TMCO1: variants seen among roughly 807,000 people sequenced by gnomAD.
The protein encoded by TMCO1 is transmembrane and coiled-coil domains 1.
Under a neutral mutation model 29.3 loss-of-function variants are expected in TMCO1, and 29 were observed. The observed-to-expected ratio is 0.99, with a 90% CI of 0.74 to 1.35. TMCO1 has a LOEUF of 1.35. Among genes scored for constraint, TMCO1 ranks in the 40% most tolerant of loss-of-function variants. The pLI is 0.00. For synonymous variants in TMCO1, 80 were observed against 77.1 expected, an observed-to-expected ratio of 1.04 and a Z score of -0.20; for missense variants, 173 against 225.5, an observed-to-expected ratio of 0.77 and a Z score of 1.49.
At chr1:165,731,654 T>A (rs923282218) in intron 6 of TMCO1, among the ~76,000 whole-genome samples, 1 of 152,250 alleles carries the variant, frequency 6.6e-6, no homozygotes, top group African/African-American at 2.4e-5. Context: ...GGTAGTCTGT[T>A]GAATTTCATT....
chr1:165,763,443 T>C (rs942183974), intron 2 of TMCO1, among the ~76,000 whole-genome samples: 2 of 152,114 alleles, frequency 1.3e-5, no homozygotes, highest in Admixed American at 1.3e-4. Flanking sequence ...TAAATAAAAA[T>C]AATACACGTT....
chr1:165,733,160 A>G (rs1467059175), intron 6 of TMCO1, among the ~76,000 whole-genome samples: 4 of 152,216 alleles, frequency 2.6e-5, no homozygotes, highest in African/African-American at 4.8e-5. Flanking sequence ...CTGTAATTCA[A>G]TAAATACTCA....
In TMCO1 at chr1:165,743,153, A is replaced by G. The variant is rs1207214228; in HGVS notation, c.468+14T>C. 2.5e-6 allele frequency: 4 copies of G among 1,613,920 alleles called. No homozygotes were observed. On this transcript the variant is annotated intron_variant, in intron 6 of 6. Transcript: ENST00000367881. ...GAAAAATATACATATTAAATGGTAG[A>G]TGTGATCACTCACCTGTCGAATCGA...
intron 2 of TMCO1, among the ~76,000 whole-genome samples, chr1:165,761,239 A>C (rs1405723602): frequency 6.6e-6 from 1 of 152,140 alleles, no homozygotes; most frequent in East Asian, 1.9e-4. Flanking sequence ...AGGTAAATAG[A>C]AAGGTAAGAT....
At position 165,743,176 on chromosome 1, in the gene TMCO1, C is replaced by G; in HGVS notation, c.459G>C (p.Ser153=). The change falls in exon 6 of 7, where the codon TCG becomes TCC. Residue 153 remains serine, a synonymous_variant. Transcript: ENST00000367881. ...FIFLYILCTM[S]IRQNIQKILG... is the part of the protein sequence containing the mutation. ...AGATGTGATCACTCACCTGTCGAAT[C>G]GACATAGTACAGAGAATATACAGGA... The G allele has an allele frequency of 6.2e-7, 1 of 1,613,936 alleles. No homozygotes were observed. Among genetic ancestry groups the G allele is most frequent in the East Asian group, 2.2e-5 (1 of 44,858 alleles).
intron 6 of TMCO1, among the ~76,000 whole-genome samples, chr1:165,728,705 C>T (rs1412717457): frequency 9.9e-5 from 15 of 152,090 alleles, no homozygotes; most frequent in Admixed American, 9.2e-4. Flanking sequence ...ATTTTTTTAA[C>T]AAGAAGCATA....
chr1:165,741,245 T>C (rs1320217722), intron 6 of TMCO1, among the ~76,000 whole-genome samples: 1 of 152,214 alleles, frequency 6.6e-6, no homozygotes, highest in African/African-American at 2.4e-5. Context: ...TCAGCTGGTT[T>C]CCCCTTCTAT....
intron 5 of TMCO1, among the ~76,000 whole-genome samples, chr1:165,751,654 A>C (rs1558037929): frequency 6.6e-6 from 1 of 151,892 alleles, no homozygotes; most frequent in Non-Finnish European, 1.5e-5. Context: ...GCAGTGAGCC[A>C]AGATTGCGCC....
chr1:165,738,854 G>A (rs2101794761), intron 6 of TMCO1, among the ~76,000 whole-genome samples: 1 of 152,312 alleles, frequency 6.6e-6, no homozygotes, highest in East Asian at 1.9e-4. Flanking sequence ...GGATCTTGGG[G>A]AAGACAACTA....
At chr1:165,725,844 G>A (rs1162295883), downstream of TMCO1, 2 of 491,316 alleles carry the variant, frequency 4.1e-6, no homozygotes, top group Non-Finnish European at 4.0e-6. Flanking sequence ...AGAATAGAGT[G>A]AATATACATA....
chr1:165,740,239 T>C (rs1171415700), intron 6 of TMCO1, among the ~76,000 whole-genome samples: 4 of 152,076 alleles, frequency 2.6e-5, no homozygotes, highest in African/African-American at 9.7e-5. Context: ...TCTTGCTCTG[T>C]TGCCCAGGCT....
Position 165,768,188 on chromosome 1 carries a change from T to C in TMCO1, c.148+4A>G. Reference sequence around the variant, plus strand: ...AATTATTTCTAATGTGTTGCCATACTCACATTTTTTACTCTGTTTTTCCAC... The same window carrying C: ...AATTATTTCTAATGTGTTGCCATACCCACATTTTTTACTCTGTTTTTCCAC... On this transcript the variant is annotated splice_donor_region_variant and intron_variant, in intron 2 of 6. Coordinates refer to ENST00000367881, the MANE Select transcript of TMCO1 (RefSeq NM_019026.6). 1 of 1,609,718 alleles carries C rather than the reference T, an allele frequency of 6.2e-7. No individual in the cohort carries two copies.
intron 2 of TMCO1, among the ~76,000 whole-genome samples, chr1:165,762,010 A>AATGTTTTGTTCT (rs781395129): frequency 4.6e-3 from 103 of 22,542 alleles, no homozygotes; most frequent in Non-Finnish European, 5.0e-3. Context: ...TAACATTTTT[A>AATGTTTTGTTCT]TTAAAATGTT....
chr1:165,750,553 GA>G (rs60005937), intron 5 of TMCO1, among the ~76,000 whole-genome samples: 7,696 of 101,850 alleles, frequency 0.076, 714 homozygotes, highest in African/African-American at 0.23. Context: ...AAAAAAAAAA[GA>G]AAAAAAAAAA....
chr1:165,747,670 G>A (rs1651849937), intron 5 of TMCO1, among the ~76,000 whole-genome samples: 1 of 152,214 alleles, frequency 6.6e-6, no homozygotes, highest in Non-Finnish European at 1.5e-5. Flanking sequence ...ATGAGAGCCA[G>A]GGTAAGGAGT....
At chr1:165,729,031 A>G (rs1339948211) in intron 6 of TMCO1, among the ~76,000 whole-genome samples, 2 of 146,716 alleles carry the variant, frequency 1.4e-5, no homozygotes, top group African/African-American at 5.0e-5. Context: ...CCTTGAACCT[A>G]GGAGGCAGAG....
chr1:165,745,558 G>C (rs1651769060), intron 5 of TMCO1, among the ~76,000 whole-genome samples: 1 of 151,418 alleles, frequency 6.6e-6, no homozygotes, highest in South Asian at 2.1e-4. Flanking sequence ...AAGGTAGGGG[G>C]ATCACTTGAG....
At position 165,727,971 on chromosome 1, in the gene TMCO1, T is replaced by C; in HGVS notation, c.*52A>G. 7.1e-7 allele frequency: 1 copy of C among 1,399,902 alleles called. No homozygotes were observed. Among genetic ancestry groups the C allele is most frequent in the Non-Finnish European group, 1.0e-6 (1 of 998,484 alleles). 86.7% of individuals were successfully genotyped at this position (1,399,902 alleles called of 1,614,324 possible). On this transcript the variant is annotated 3_prime_UTR_variant, in exon 7 of 7. Transcript: ENST00000367881. Reference sequence around the variant, plus strand: ...GCTCTTGCTACAAAACAGTTGCCAGTCTGATGTGTGTGTGTCTAGAAAGAA... The same window carrying C: ...GCTCTTGCTACAAAACAGTTGCCAGCCTGATGTGTGTGTGTCTAGAAAGAA...
intron 6 of TMCO1, among the ~76,000 whole-genome samples, chr1:165,741,313 AC>A (rs1651585774): frequency 6.6e-6 from 1 of 152,142 alleles, no homozygotes; most frequent in Admixed American, 6.6e-5. Context: ...ATAGTTTATA[AC>A]ATAATGATTT....
Sources: allele counts gnomAD v4.1 joint callset (sites outside exome capture counted in the v4.1 genomes callset), GRCh38; gene constraint gnomAD v4.1.1; transcripts MANE v1.5; gene names NCBI Gene and HGNC (gene_info 2026-07-23, HGNC 2026-07-21).